The following CPXM2 variants were observed in gnomAD, a reference collection of about 807,000 sequenced individuals.
The protein encoded by CPXM2 is inactive carboxypeptidase-like protein X2.
Under a neutral mutation model 86.1 loss-of-function variants are expected in CPXM2, and 66 were observed. The observed-to-expected ratio is 0.77, with a 90% CI of 0.63 to 0.94. The LOEUF (loss-of-function observed/expected upper bound fraction) is 0.94, where lower values mean the gene tolerates loss of function less well. Ranked by LOEUF, CPXM2 falls within the 40% of genes least tolerant of loss-of-function variation. The pLI, the probability that CPXM2 is intolerant of heterozygous loss-of-function variation, is 0.00. For synonymous variants in CPXM2, 388 were observed against 400.2 expected (o/e 0.97, Z 0.36); for missense variants, 948 against 1,026.3 (o/e 0.92, Z 1.04).
chr10:123,828,661 T>G lies in CPXM2; in HGVS notation c.653+13688A>C, dbSNP rs139635331. ...CTCTGGTATGTCTTTATCAGCAGCA[T>G]GAAAACAAACTAATACACAAACCTT... On this transcript the variant is annotated intron_variant, in intron 4 of 13. Coordinates refer to ENST00000241305, the MANE Select transcript of CPXM2 (RefSeq NM_198148.3). 4.6e-3 allele frequency among the ~76,000 whole-genome samples: 699 copies of G among 152,318 alleles called. 4 individuals are homozygous for G. The highest frequency in any genetic ancestry group is 0.016 in the African/African-American group (670 of 41,576).
At chr10:123,937,590 C>A (rs1945735531) in intron 2 of CPXM2, among the ~76,000 whole-genome samples, 1 of 151,650 alleles carries the variant, frequency 6.6e-6, no homozygotes, top group South Asian at 2.1e-4. Context: ...TTCCAGGGAC[C>A]AAAGACCCTT....
At chr10:123,762,894 A>G (rs1047485456) in intron 10 of CPXM2, among the ~76,000 whole-genome samples, 10 of 152,374 alleles carry the variant, frequency 6.6e-5, no homozygotes, top group Non-Finnish European at 1.3e-4. Context: ...CATGCAGTAC[A>G]GAAAACTGAG....
intron 3 of CPXM2, among the ~76,000 whole-genome samples, chr10:123,854,758 G>A (rs80337903): frequency 0.018 from 2,805 of 151,922 alleles, 91 homozygotes; most frequent in African/African-American, 0.062. Context: ...CTGTACACAG[G>A]TAGGATGACC....
intron 2 of CPXM2, among the ~76,000 whole-genome samples, chr10:123,879,409 T>C (rs1945045248): frequency 6.6e-6 from 1 of 152,224 alleles, no homozygotes; most frequent in African/African-American, 2.4e-5. Context: ...ACGTAGAAGC[T>C]GCATAACCCT....
At chr10:123,843,012 G>T (rs994891363) in intron 3 of CPXM2, among the ~76,000 whole-genome samples, 1 of 152,168 alleles carries the variant, frequency 6.6e-6, no homozygotes, top group African/African-American at 2.4e-5. Context: ...AAGACCAGGG[G>T]ATACTTGAAG....
At chr10:123,815,676 T>C (rs189013434) in intron 4 of CPXM2, among the ~76,000 whole-genome samples, 1 of 152,282 alleles carries the variant, frequency 6.6e-6, no homozygotes, top group Admixed American at 6.5e-5. Context: ...CAAGGTGATG[T>C]TGATTCTCCT....
intron 7 of CPXM2, among the ~76,000 whole-genome samples, chr10:123,776,450 G>T (rs1846791030): frequency 6.6e-6 from 1 of 152,142 alleles, no homozygotes; most frequent in Admixed American, 6.6e-5. Context: ...CTCAATTTCT[G>T]GCAAAATATC....
At chr10:123,887,354 GA>G (rs1430251880) in intron 1 of CPXM2, among the ~76,000 whole-genome samples, 3 of 152,152 alleles carry the variant, frequency 2.0e-5, no homozygotes, top group Admixed American at 6.5e-5. Context: ...TGCAACCTAA[GA>G]AAAAGATTCT....
At chr10:123,839,758 C>T (rs1344442324) in intron 4 of CPXM2, among the ~76,000 whole-genome samples, 1 of 152,114 alleles carries the variant, frequency 6.6e-6, no homozygotes, top group African/African-American at 2.4e-5. Context: ...GGCTCAGATA[C>T]CAAGATGTAT....
chr10:123,790,436 C>T (rs1215799513), intron 6 of CPXM2, among the ~76,000 whole-genome samples: 2 of 152,112 alleles, frequency 1.3e-5, no homozygotes, highest in Admixed American at 6.5e-5. Context: ...CGGATTAGAA[C>T]TCGTGGAAAA....
intron 2 of CPXM2, among the ~76,000 whole-genome samples, chr10:123,928,900 C>A (rs1374522486): frequency 6.6e-6 from 1 of 152,206 alleles, no homozygotes; most frequent in Non-Finnish European, 1.5e-5. Flanking sequence ...TTGGTTTATG[C>A]CACTAAGTTT....
At chr10:123,771,328 T>C (rs1027446716) in intron 7 of CPXM2, among the ~76,000 whole-genome samples, 6 of 152,214 alleles carry the variant, frequency 3.9e-5, no homozygotes, top group Admixed American at 2.0e-4. Flanking sequence ...CCCTTGGTTG[T>C]GGCTATCACT....
At chr10:123,908,100 G>A (rs1003025570) in intron 2 of CPXM2, among the ~76,000 whole-genome samples, 2 of 152,120 alleles carry the variant, frequency 1.3e-5, no homozygotes, top group African/African-American at 4.8e-5. Flanking sequence ...CCAGTCTGGG[G>A]CTTGTGCAGG....
At chr10:123,753,409 C>G (rs571265028) in intron 13 of CPXM2, among the ~76,000 whole-genome samples, 1 of 152,126 alleles carries the variant, frequency 6.6e-6, no homozygotes, top group Non-Finnish European at 1.5e-5. Flanking sequence ...CCTCTGGGAC[C>G]CTGAGGGGCA....
At chr10:123,942,602 C>A (rs1945787870), upstream of CPXM2, among the ~76,000 whole-genome samples, 1 of 152,168 alleles carries the variant, frequency 6.6e-6, no homozygotes, top group South Asian at 2.1e-4. Context: ...TGGGAGGAAC[C>A]CTCAGTTCCA....
chr10:123,896,373 T>C (rs1007335878), upstream of CPXM2, among the ~76,000 whole-genome samples: 2 of 152,258 alleles, frequency 1.3e-5, no homozygotes, highest in African/African-American at 2.4e-5. Context: ...TAAGTTGTTA[T>C]GGCAACTATC....
intron 4 of CPXM2, among the ~76,000 whole-genome samples, chr10:123,821,130 C>T (rs1847914911): frequency 6.6e-6 from 1 of 152,116 alleles, no homozygotes; most frequent in African/African-American, 2.4e-5. Flanking sequence ...ACAATGGTTC[C>T]CTAATTCCAT....
intron 4 of CPXM2, among the ~76,000 whole-genome samples, chr10:123,820,909 A>G (rs1847911579): frequency 6.6e-6 from 1 of 152,220 alleles, no homozygotes; most frequent in South Asian, 2.1e-4. Flanking sequence ...TAACTGAATC[A>G]CATCTAAAAA....
intron 6 of CPXM2, among the ~76,000 whole-genome samples, chr10:123,783,638 G>A (rs1231004391): frequency 6.6e-6 from 1 of 152,148 alleles, no homozygotes; most frequent in African/African-American, 2.4e-5. Flanking sequence ...CCACACAAAG[G>A]CCCTGAAATG....
Sources: gnomAD v4.1 joint callset for allele counts (sites outside exome capture counted in the v4.1 genomes callset) on GRCh38, gnomAD v4.1.1 for gene constraint, MANE v1.5 for transcripts, NCBI Gene and HGNC (gene_info 2026-07-23, HGNC 2026-07-21) for gene names.